The following CCDC138 variants were observed in gnomAD, a reference collection of about 807,000 sequenced individuals.
CCDC138 encodes the protein coiled-coil domain containing 138, also known as coiled-coil domain-containing protein 138.
CCDC138 carries 66 observed loss-of-function variants against 82.3 expected under a neutral mutation model. That is an observed-to-expected ratio of 0.80 (90% confidence interval 0.66 to 0.98). The LOEUF (loss-of-function observed/expected upper bound fraction) is 0.98. Ranked by LOEUF, CCDC138 falls within the 50% of genes least tolerant of loss-of-function variation. The pLI, the probability that CCDC138 is intolerant of heterozygous loss-of-function variation, is 0.00. For synonymous variants in CCDC138, 297 were observed against 265.4 expected, an observed-to-expected ratio of 1.12 and a Z score of -1.16; for missense variants, 816 against 758.9, an observed-to-expected ratio of 1.08 and a Z score of -0.88.
At chr2:108,871,753 A>T (rs1303051475) in intron 13 of CCDC138, among the ~76,000 whole-genome samples, 5 of 152,166 alleles carry the variant, frequency 3.3e-5, no homozygotes, top group Admixed American at 1.3e-4. Flanking sequence ...ACATACTGCT[A>T]ATGTATTGCA....
intron 12 of CCDC138, among the ~76,000 whole-genome samples, chr2:108,850,294 AATGTGTTGGGTAATAGGCAG>A (rs1221564763): frequency 6.6e-6 from 1 of 152,192 alleles, no homozygotes; most frequent in African/African-American, 2.4e-5. Flanking sequence ...AAAGTAGGCA[AATGTGTTGGGTAATAGGCAG>A]ATGCATTGGA....
At chr2:108,787,988 T>A in intron 1 of CCDC138, 44 bp from the exon 2 acceptor site, 10 of 1,410,650 alleles carry the variant, frequency 7.1e-6, no homozygotes, top group African/African-American at 1.5e-5. Context: ...AGACAGTAAA[T>A]TGATTTTTAG....
chr2:108,854,508 ATTAC>A (rs1007830937), intron 12 of CCDC138, among the ~76,000 whole-genome samples: 4 of 152,186 alleles, frequency 2.6e-5, no homozygotes, highest in African/African-American at 9.7e-5. Context: ...AGTAGACATT[ATTAC>A]TTATTATAAA....
intron 13 of CCDC138, among the ~76,000 whole-genome samples, chr2:108,865,380 A>G (rs1694262112): frequency 6.6e-6 from 1 of 152,232 alleles, no homozygotes; most frequent in Admixed American, 6.5e-5. Context: ...GTTAATTGAT[A>G]TATCTCCATT....
At chr2:108,813,506 A>G (rs1366237144) in intron 9 of CCDC138, among the ~76,000 whole-genome samples, 1 of 152,108 alleles carries the variant, frequency 6.6e-6, no homozygotes, top group Non-Finnish European at 1.5e-5. Flanking sequence ...TAATGGCTTT[A>G]TTGCTTAGTA....
intron 7 of CCDC138, among the ~76,000 whole-genome samples, chr2:108,810,828 T>C (rs931131984): frequency 2.0e-5 from 3 of 152,234 alleles, no homozygotes; most frequent in Non-Finnish European, 4.4e-5. Flanking sequence ...CTTTTCTTTG[T>C]TGGGAAACTT....
intron 10 of CCDC138, among the ~76,000 whole-genome samples, chr2:108,833,686 A>G (rs1213637709): frequency 2.0e-5 from 3 of 151,470 alleles, no homozygotes; most frequent in South Asian, 4.1e-4. Context: ...ATTTTCACAA[A>G]TTTTTTTGTT....
intron 5 of CCDC138, among the ~76,000 whole-genome samples, chr2:108,795,150 ATTTTT>A (rs11458525): frequency 1.2e-3 from 105 of 85,036 alleles, no homozygotes; most frequent in East Asian, 7.4e-4. Flanking sequence ...TCTAAAGTGT[ATTTTT>A]TTTTTTTTTT....
chr2:108,829,353 T>C (rs562053904), intron 10 of CCDC138, among the ~76,000 whole-genome samples: 1 of 152,174 alleles, frequency 6.6e-6, no homozygotes, highest in African/African-American at 2.4e-5. Flanking sequence ...TCTCCAAAGA[T>C]AAAGAAATGG....
intron 11 of CCDC138, among the ~76,000 whole-genome samples, chr2:108,843,869 TG>T (rs60346502): frequency 0.66 from 88,549 of 134,278 alleles, 34,383 homozygotes; most frequent in East Asian, 0.85. Flanking sequence ...TGTGTGTGTG[TG>T]TGTGTGTGTT....
At chr2:108,830,820 A>C (rs1227760859) in intron 10 of CCDC138, among the ~76,000 whole-genome samples, 1 of 144,470 alleles carries the variant, frequency 6.9e-6, no homozygotes, top group Admixed American at 7.0e-5. Flanking sequence ...AATAAAAAAC[A>C]AAAAAAAAAA....
At chr2:108,831,892 C>T (rs997095490) in intron 10 of CCDC138, among the ~76,000 whole-genome samples, 1 of 151,886 alleles carries the variant, frequency 6.6e-6, no homozygotes, top group East Asian at 1.9e-4. Flanking sequence ...GCCACCATGC[C>T]TGGCTAATTT....
At chr2:108,818,260 T>C (rs1458475913) in intron 10 of CCDC138, among the ~76,000 whole-genome samples, 1 of 152,156 alleles carries the variant, frequency 6.6e-6, no homozygotes, top group Non-Finnish European at 1.5e-5. Context: ...TGAGCCGTGA[T>C]TGTACCACTG....
At chr2:108,806,208 A>G (rs1458852667) in intron 7 of CCDC138, among the ~76,000 whole-genome samples, 2 of 152,168 alleles carry the variant, frequency 1.3e-5, no homozygotes, top group Admixed American at 1.3e-4. Flanking sequence ...TCTGTTTGGA[A>G]TCCCACTTTA....
intron 11 of CCDC138, among the ~76,000 whole-genome samples, chr2:108,844,028 ATT>A (rs1023574659): frequency 6.8e-6 from 1 of 147,718 alleles, no homozygotes; most frequent in Non-Finnish European, 1.5e-5. Flanking sequence ...TACCTGGTTA[ATT>A]TTTTTTTGTT....
chr2:108,811,852 A>G (rs1226423497), intron 7 of CCDC138, among the ~76,000 whole-genome samples: 4 of 152,192 alleles, frequency 2.6e-5, no homozygotes, highest in Admixed American at 2.6e-4. Context: ...TTTGACTTAT[A>G]AATGAGAACA....
intron 9 of CCDC138, among the ~76,000 whole-genome samples, chr2:108,814,303 C>T (rs1346835200): frequency 1.3e-5 from 2 of 151,912 alleles, no homozygotes; most frequent in Non-Finnish European, 2.9e-5. Context: ...TCATTTTGAC[C>T]CTTCCAGTGG....
Position 108,851,827 on chromosome 2 carries a change from C to CTA in CCDC138, c.1516+4909_1516+4910dup, listed in dbSNP as rs144751801. Among the ~76,000 whole-genome samples the CTA allele has an allele frequency of 8.4e-4, 127 of 151,678 alleles. 2 individuals carry two copies. Among genetic ancestry groups the CTA allele is most frequent in the Middle Eastern group, 3.4e-3 (1 of 294 alleles). On this transcript the variant is annotated intron_variant, in intron 12 of 14. Coordinates refer to ENST00000295124, the MANE Select transcript of CCDC138 (RefSeq NM_144978.3). ...TAACAAAGACTAATGAGACGAAAAC[C>CTA]TATATATATATATCATAACACCACA... is the stretch of plus-strand genomic sequence containing the variant.
rs72627476 is a variant in CCDC138 at position 108,834,662 on chromosome 2, A to G, written c.1207-4523A>G. On this transcript the variant is annotated intron_variant, in intron 10 of 14. Coordinates refer to ENST00000295124, the MANE Select transcript of CCDC138 (RefSeq NM_144978.3). Reference sequence around the variant, plus strand: ...AATGTACAATTTAGTGGCATTAAGTATATTCCCAATGCTGTACAACCATCA... The same window carrying G: ...AATGTACAATTTAGTGGCATTAAGTGTATTCCCAATGCTGTACAACCATCA... Among the ~76,000 whole-genome samples the G allele has an allele frequency of 0.069, 10,574 of 152,326 alleles. 2,823 individuals are homozygous for G. The East Asian group carries it at 0.87, about 13-fold the overall frequency.
Sources: gnomAD v4.1 joint callset for allele counts (sites outside exome capture counted in the v4.1 genomes callset) on GRCh38, gnomAD v4.1.1 for gene constraint, MANE v1.5 for transcripts, NCBI Gene and HGNC (gene_info 2026-07-23, HGNC 2026-07-21) for gene names.